The following RPP30 variants were observed in gnomAD, a reference collection of about 807,000 sequenced individuals.
The protein encoded by RPP30 is ribonuclease P/MRP subunit p30, also known as ribonuclease P protein subunit p30.
In RPP30, 36 loss-of-function variants were observed where a neutral mutation model predicts 38.6. That is an observed-to-expected ratio of 0.93 (90% CI 0.71 to 1.23). The LOEUF is 1.23. Among genes scored for constraint, RPP30 ranks in the 50% most tolerant of loss-of-function variants. The probability of loss-of-function intolerance (pLI) is 0.00; values close to 1 mark genes in which losing one functional copy is unlikely to be tolerated. For missense variants in RPP30, 321 were observed against 321.7 expected (o/e 1.00, Z 0.02); for synonymous variants, 126 against 112.7 (o/e 1.12, Z -0.75).
intron 6 of RPP30, among the ~76,000 whole-genome samples, chr10:90,890,879 G>T (rs967229687): frequency 3.3e-5 from 5 of 151,972 alleles, no homozygotes; most frequent in African/African-American, 1.2e-4. Context: ...GCATTTCACA[G>T]TAAAGGAAAT....
intron 5 of RPP30, among the ~76,000 whole-genome samples, chr10:90,884,042 G>A (rs971573665): frequency 7.9e-5 from 12 of 151,974 alleles, no homozygotes; most frequent in Admixed American, 3.9e-4. Context: ...ATCCATTAGA[G>A]ATGTACATCA....
chr10:90,874,748 C>T, intron 1 of RPP30, 121 bp from the exon 2 acceptor site: 1 of 509,890 alleles, frequency 2.0e-6, no homozygotes, highest in Non-Finnish European at 3.5e-6. Context: ...CACTAGAGTT[C>T]ACATTCATAA....
At chr10:90,872,140 T>C (rs754904243) in intron 1 of RPP30, 72 bp downstream of exon 1, 7 of 1,251,434 alleles carry the variant, frequency 5.6e-6, no homozygotes, top group African/African-American at 4.4e-5. Flanking sequence ...CCGGAGTAAC[T>C]ATTTCCTGAT....
intron 6 of RPP30, 58 bp from the exon 7 acceptor site, chr10:90,894,717 A>G: frequency 8.3e-7 from 1 of 1,204,666 alleles, no homozygotes; most frequent in Non-Finnish European, 1.2e-6. Context: ...AGAATCAGTG[A>G]AAATGAAGTA....
rs528016013 is a variant in RPP30, at chr10:90,876,887, G to A, written c.270+789G>A. 2.6e-5 allele frequency among the ~76,000 whole-genome samples: 4 copies of A among 152,220 alleles called. No homozygotes were observed. In the East Asian group the frequency reaches 7.7e-4, roughly 29 times the overall value. On this transcript the variant is annotated intron_variant, in intron 4 of 10. Coordinates refer to ENST00000371703, the MANE Select transcript of RPP30 (RefSeq NM_006413.5). ...ATTGATGGGATTTATTGGTTAATTG[G>A]GTGTAGGATGATTACTCCCTAGGTG...
chr10:90,885,116 A>G (rs77704483), intron 5 of RPP30, among the ~76,000 whole-genome samples: 1 of 152,128 alleles, frequency 6.6e-6, no homozygotes, highest in Non-Finnish European at 1.5e-5. Context: ...TGTGGTTTTC[A>G]TAAACAGTTT....
chr10:90,903,053 T>C (rs1847220722), downstream of RPP30: 2 of 657,130 alleles, frequency 3.0e-6, no homozygotes, highest in Non-Finnish European at 5.5e-6. Flanking sequence ...GTCAACACTT[T>C]GGAAAGGTTT....
rs528303240 is a variant in RPP30 at position 90,879,960 on chromosome 10, G to A, written c.342+826G>A. On this transcript the variant is annotated intron_variant, in intron 5 of 10. Coordinates refer to ENST00000371703, the MANE Select transcript of RPP30 (RefSeq NM_006413.5). ...TAGCTACTTTTAGAAACTTCTGAAA[G>A]TTGCCTTTTTCTAGGTTCATTAAAA... The A allele has an allele frequency of 3.3e-5, 5 of 152,260 alleles. No individual in the cohort carries two copies. The South Asian group carries it at 1.0e-3, about 32-fold the overall frequency. The allele number at this position is 152,260 out of a possible 1,614,324, so 9.4% of individuals were successfully genotyped here.
Position 90,879,093 on chromosome 10 carries a change from G to C in RPP30, c.301G>C (p.Asp101His), listed in dbSNP as rs1162291015. The C allele has an allele frequency of 6.2e-7, 1 of 1,614,046 alleles. No individual in the cohort carries two copies. The highest frequency in any genetic ancestry group is 8.5e-7 in the Non-Finnish European group (1 of 1,179,990). Residue 101 changes from aspartate to histidine, a missense_variant, in exon 5 of 11, where the codon GAT becomes CAT. Transcript: ENST00000371703. ...RATSSRARLY[D>H]VVAVFPKTEK... The stretch of plus-strand genomic sequence containing the variant: ...AACTTCTTCAAGGGCCCGGCTCTAT[G>C]ATGTTGTTGCAGTTTTTCCAAAGAC...
In RPP30 at chr10:90,876,380, G is replaced by A. The variant is rs201701936; in HGVS notation, c.270+282G>A. On this transcript the variant is annotated intron_variant, in intron 4 of 10. Transcript: ENST00000371703. ...CTTAAGGTGGGTGCTGGGGGGTATT[G>A]CCATGAATAATAGCACAATCCTTGA... Among the ~76,000 whole-genome samples the A allele has an allele frequency of 5.9e-5, 9 of 152,260 alleles. No homozygotes were observed. The East Asian group carries it at 1.7e-3, about 29-fold the overall frequency.
downstream of RPP30, chr10:90,902,279 A>G (rs1204818535): frequency 4.6e-6 from 2 of 436,792 alleles, no homozygotes; most frequent in Non-Finnish European, 7.3e-6. Context: ...GTGCAGTGGC[A>G]CAATCTCGGC....
chr10:90,896,325 T>G lies in RPP30; in HGVS notation c.630T>G (p.Phe210Leu), dbSNP rs550432912. 1.9e-6 allele frequency: 3 copies of G among 1,614,100 alleles called. No homozygotes were observed. The highest frequency in any genetic ancestry group is 1.3e-5 in the African/African-American group (1 of 75,066). Reference sequence around the variant, plus strand: ...ATGCTCCCCCAAGAGGCTTGCTGTTTGGGCTCTCTGAAAGTGACGCCAAGG... The same window carrying G: ...ATGCTCCCCCAAGAGGCTTGCTGTTGGGGCTCTCTGAAAGTGACGCCAAGG... ...PYDVANLGLL[F>L]GLSESDAKAA... Residue 210 changes from phenylalanine to leucine, a missense_variant, in exon 10 of 11, where the codon TTT (phenylalanine) becomes TTG (leucine). Physicochemically the swap from Phe to Leu is conservative, Grantham distance 22. Coordinates refer to ENST00000371703, the MANE Select transcript of RPP30 (RefSeq NM_006413.5).
intron 10 of RPP30, among the ~76,000 whole-genome samples, chr10:90,897,369 C>T (rs1847152426): frequency 1.3e-5 from 2 of 152,130 alleles, no homozygotes; most frequent in African/African-American, 4.8e-5. Flanking sequence ...GTGTGTTGGG[C>T]TTTATTGATC....
chr10:90,883,444 G>A (rs1251016825), intron 5 of RPP30, among the ~76,000 whole-genome samples: 1 of 152,124 alleles, frequency 6.6e-6, no homozygotes, highest in African/African-American at 2.4e-5. Context: ...TCATTGTAGT[G>A]TGAACATTAA....
chr10:90,894,591 G>A (rs1009917636), intron 6 of RPP30, among the ~76,000 whole-genome samples, 184 bp from the exon 7 acceptor site: 3 of 152,110 alleles, frequency 2.0e-5, no homozygotes, highest in South Asian at 2.1e-4. Context: ...GTAGAGCCAC[G>A]GATTTATTTT....
chr10:90,895,551 A>G, intron 8 of RPP30, 68 bp downstream of exon 8: 1 of 872,534 alleles, frequency 1.1e-6, no homozygotes, highest in Non-Finnish European at 1.6e-6. Flanking sequence ...TCTAGGGGAT[A>G]AATTAAAATA....
At chr10:90,881,645 A>G (rs1196356198) in intron 5 of RPP30, among the ~76,000 whole-genome samples, 1 of 152,230 alleles carries the variant, frequency 6.6e-6, no homozygotes, top group Non-Finnish European at 1.5e-5. Context: ...CTTGTTTTCT[A>G]TAGGAAATCA....
chr10:90,889,476 A>AT (rs929238878), intron 6 of RPP30, among the ~76,000 whole-genome samples: 21 of 148,826 alleles, frequency 1.4e-4, no homozygotes, highest in Admixed American at 3.4e-4. Context: ...CAGCTGGCTA[A>AT]TTTTTTTTTT....
At chr10:90,883,696 A>T (rs1003543047) in intron 5 of RPP30, among the ~76,000 whole-genome samples, 2 of 152,238 alleles carry the variant, frequency 1.3e-5, no homozygotes, top group Admixed American at 6.5e-5. Context: ...AACAATGTGT[A>T]AGTAAAAAGT....
Sources: gnomAD v4.1 joint callset for allele counts (sites outside exome capture counted in the v4.1 genomes callset) on GRCh38, gnomAD v4.1.1 for gene constraint, MANE v1.5 for transcripts, NCBI Gene and HGNC (gene_info 2026-07-23, HGNC 2026-07-21) for gene names.